Variants in HTR4 observed in about 807,000 individuals in gnomAD.
The protein encoded by HTR4 is 5-hydroxytryptamine receptor 4.
A neutral mutation model predicts 36.8 loss-of-function variants in HTR4; 16 were observed. The observed-to-expected ratio is 0.43, with a 90% CI of 0.29 to 0.66. The LOEUF is 0.66. Ranked by LOEUF, HTR4 falls within the 30% of genes least tolerant of loss-of-function variation. The pLI is 0.13. For synonymous variants in HTR4, 189 were observed against 185.1 expected, an observed-to-expected ratio of 1.02 and a Z score of -0.17; for missense variants, 438 against 490.9, an observed-to-expected ratio of 0.89 and a Z score of 1.02.
chr5:148,472,530 T>A (rs1274126713), downstream of HTR4, among the ~76,000 whole-genome samples: 1 of 152,168 alleles, frequency 6.6e-6, no homozygotes, highest in Non-Finnish European at 1.5e-5. Context: ...TATGTGGAGA[T>A]AGCTAATTTG....
chr5:148,505,762 T>G (rs1411259991), intron 6 of HTR4, among the ~76,000 whole-genome samples: 2 of 152,056 alleles, frequency 1.3e-5, no homozygotes, highest in African/African-American at 4.8e-5. Flanking sequence ...ATGAGTGAAC[T>G]CCCAATCACA....
chr5:148,602,091 T>C (rs1293284030), intron 2 of HTR4, among the ~76,000 whole-genome samples: 2 of 152,190 alleles, frequency 1.3e-5, no homozygotes, highest in Non-Finnish European at 2.9e-5. Flanking sequence ...TACTCCATTA[T>C]ATACTTAAAA....
chr5:148,458,385 G>A (rs976940075), intron 5 of HTR4, among the ~76,000 whole-genome samples: 4 of 151,848 alleles, frequency 2.6e-5, no homozygotes, highest in African/African-American at 9.7e-5. Context: ...AACAGTCCAG[G>A]CACAGTGCCA....
downstream of HTR4, chr5:148,476,695 A>G (rs1215751544): frequency 1.3e-6 from 2 of 1,489,020 alleles, no homozygotes; most frequent in Non-Finnish European, 1.8e-6. Context: ...GGGCACTAAG[A>G]AAAAAAAATG....
intron 2 of HTR4, among the ~76,000 whole-genome samples, chr5:148,588,462 C>A (rs1336456326): frequency 6.6e-6 from 1 of 151,612 alleles, no homozygotes; most frequent in Non-Finnish European, 1.5e-5. Flanking sequence ...CTGCTTTGCT[C>A]CCTCTCCCCA....
At chr5:148,562,830 G>A (rs187776934) in intron 2 of HTR4, among the ~76,000 whole-genome samples, 73 of 152,226 alleles carry the variant, frequency 4.8e-4, no homozygotes, top group Non-Finnish European at 8.8e-5. Context: ...AATCCTGATA[G>A]CTCTAACTTC....
intron 1 of HTR4, among the ~76,000 whole-genome samples, chr5:148,640,057 T>C (rs1157071154): frequency 6.6e-6 from 1 of 151,924 alleles, no homozygotes; most frequent in Non-Finnish European, 1.5e-5. Flanking sequence ...TCAGAGAGGG[T>C]AATTGAATTG....
At chr5:148,630,983 G>C (rs904887244) in intron 2 of HTR4, among the ~76,000 whole-genome samples, 3 of 152,110 alleles carry the variant, frequency 2.0e-5, no homozygotes, top group Non-Finnish European at 4.4e-5. Flanking sequence ...TGTTAGGAAC[G>C]CTTCAGAAGA....
At chr5:148,467,423 G>T (rs1390847733) in intron 5 of HTR4, among the ~76,000 whole-genome samples, 1 of 152,076 alleles carries the variant, frequency 6.6e-6, no homozygotes, top group Non-Finnish European at 1.5e-5. Flanking sequence ...GAACTTTTGA[G>T]TGTGCACCAT....
intron 2 of HTR4, among the ~76,000 whole-genome samples, chr5:148,573,138 A>T (rs1165909160): frequency 1.3e-5 from 2 of 152,016 alleles, no homozygotes; most frequent in Non-Finnish European, 2.9e-5. Context: ...CTAGTCAGGG[A>T]AGATACTGGA....
In HTR4 at chr5:148,509,529, G is replaced by T. The variant is rs199957116; in HGVS notation, c.1003C>A (p.Arg335=). ...GTCTGGCCCAGAATGGAAGGTCTTCGGTAGCGCTCATCATCACAGCAGAGG... is the reference window on the plus strand; with the variant it reads ...GTCTGGCCCAGAATGGAAGGTCTTCTGTAGCGCTCATCATCACAGCAGAGG... ...IILCCDDERY[R]RPSILGQTVP... is the part of the protein sequence containing the mutation. Residue 335 remains arginine (R), a synonymous_variant, in exon 6 of 7, where the codon CGA becomes AGA. Coordinates refer to ENST00000377888, the MANE Select transcript of HTR4 (RefSeq NM_000870.7). 44 of 1,613,846 alleles carry T rather than the reference G, an allele frequency of 2.7e-5. No homozygotes were observed. The highest frequency in any genetic ancestry group is 1.6e-4 in the Middle Eastern group (1 of 6,080).
chr5:148,540,904 G>A (rs1759088623), intron 4 of HTR4, among the ~76,000 whole-genome samples: 1 of 152,158 alleles, frequency 6.6e-6, no homozygotes, highest in Non-Finnish European at 1.5e-5. Flanking sequence ...GACTATCAGT[G>A]TCTGGGAAGG....
At chr5:148,469,198 T>TA (rs1423088620) in intron 5 of HTR4, among the ~76,000 whole-genome samples, 3 of 152,122 alleles carry the variant, frequency 2.0e-5, no homozygotes, top group Non-Finnish European at 4.4e-5. Context: ...TCTCCTGACT[T>TA]AAAAAAAATC....
intron 2 of HTR4, 115 bp downstream of exon 2, chr5:148,636,874 A>G (rs1316810912): frequency 2.3e-5 from 15 of 656,034 alleles, no homozygotes; most frequent in Non-Finnish European, 4.0e-5. Flanking sequence ...TATATGAAAC[A>G]TCAAAGAAAA....
intron 4 of HTR4, among the ~76,000 whole-genome samples, chr5:148,526,138 GACA>G (rs967777402): frequency 1.3e-5 from 2 of 152,156 alleles, no homozygotes; most frequent in African/African-American, 4.8e-5. Flanking sequence ...AGAGCAGTGA[GACA>G]ACAAGTGTGT....
chr5:148,651,387 A>G (rs1318575667), intron 1 of HTR4, among the ~76,000 whole-genome samples: 1 of 152,142 alleles, frequency 6.6e-6, no homozygotes, highest in Non-Finnish European at 1.5e-5. Context: ...TTTATTTAAA[A>G]ACTTTGTTGT....
intron 2 of HTR4, among the ~76,000 whole-genome samples, chr5:148,604,893 T>G (rs1752083399): frequency 2.0e-5 from 3 of 152,076 alleles, no homozygotes; most frequent in Admixed American, 2.0e-4. Context: ...AATAAAAACA[T>G]TTTTTTCACC....
intron 2 of HTR4, among the ~76,000 whole-genome samples, chr5:148,572,506 A>G (rs1378405884): frequency 1.3e-5 from 2 of 152,108 alleles, no homozygotes; most frequent in Admixed American, 6.6e-5. Flanking sequence ...AAAATACATA[A>G]TATGGAATAC....
At chr5:148,553,608 G>C (rs899213161) in intron 2 of HTR4, among the ~76,000 whole-genome samples, 1 of 152,178 alleles carries the variant, frequency 6.6e-6, no homozygotes. Flanking sequence ...TAGCTTCCCG[G>C]TGTTGTTTTG....
Sources: gnomAD v4.1 joint callset for allele counts (sites outside exome capture counted in the v4.1 genomes callset) on GRCh38, gnomAD v4.1.1 for gene constraint, MANE v1.5 for transcripts, NCBI Gene and HGNC (gene_info 2026-07-23, HGNC 2026-07-21) for gene names.